Variants in KCNIP1 observed in about 807,000 individuals in gnomAD.
KCNIP1 encodes the protein A-type potassium channel modulatory protein KCNIP1.
A neutral mutation model predicts 33.0 loss-of-function variants in KCNIP1; 18 were observed. The ratio of observed to expected loss-of-function variants is 0.55; its 90% CI spans 0.38 to 0.81. KCNIP1 has a LOEUF of 0.81. Ranked by LOEUF, KCNIP1 falls within the 30% of genes least tolerant of loss-of-function variation. The pLI, the probability that KCNIP1 is intolerant of heterozygous loss-of-function variation, is 0.00. For synonymous variants in KCNIP1, 93 were observed against 98.3 expected (o/e 0.95, Z 0.32); for missense variants, 238 against 271.6 (o/e 0.88, Z 0.87).
At chr5:170,668,638 A>G (rs1175492089) in intron 1 of KCNIP1, among the ~76,000 whole-genome samples, 3 of 152,242 alleles carry the variant, frequency 2.0e-5, no homozygotes, top group Admixed American at 2.0e-4. Context: ...CCCAGAAACC[A>G]GACAAGAGTT....
Position 170,367,431 on chromosome 5 carries a change from AAAGAAAGG to A in KCNIP1, c.88+13470_88+13477del, listed in dbSNP as rs1561587021. 4.1e-5 allele frequency among the ~76,000 whole-genome samples: 6 copies of A among 146,804 alleles called. 1 individual carries two copies. The highest frequency in any genetic ancestry group is 7.7e-5 in the African/African-American group (3 of 39,204). On this transcript the variant is annotated intron_variant, in intron 1 of 7. Coordinates refer to the KCNIP1 transcript ENST00000377360. ...AAAGAAAGAAAGAAAGGAAAGAAAG[AAAGAAAGG>A]AAAGAAAGGAAAGAAAGAAAGAAAG... is the stretch of plus-strand genomic sequence containing the variant.
At chr5:170,374,394 A>G (rs1763931863) in intron 1 of KCNIP1, among the ~76,000 whole-genome samples, 1 of 152,294 alleles carries the variant, frequency 6.6e-6, no homozygotes, top group African/African-American at 2.4e-5. Context: ...GTCCTCTGAG[A>G]TCTTCATAAA....
At chr5:170,432,373 C>A (rs1254195838) in intron 1 of KCNIP1, among the ~76,000 whole-genome samples, 1 of 152,192 alleles carries the variant, frequency 6.6e-6, no homozygotes, top group African/African-American at 2.4e-5. Context: ...GGGAATGGTG[C>A]CTGGCACCTA....
At position 170,492,755 on chromosome 5, in the gene KCNIP1, C is replaced by CTAAT. The variant is rs141326219; in HGVS notation, c.88+138793_88+138794insATTA. On this transcript the variant is annotated intron_variant, in intron 1 of 7. Coordinates refer to the KCNIP1 transcript ENST00000377360. ...TGGGAGACAGAGACCAAATATCTATCTATTTATTTATTTATTTATTTATTT... is the reference window on the plus strand; with the variant it reads ...TGGGAGACAGAGACCAAATATCTATCTAATTATTTATTTATTTATTTATTTATTT... Among the ~76,000 whole-genome samples, 29 of 150,462 alleles carry CTAAT rather than the reference C, an allele frequency of 1.9e-4. No homozygotes were observed. The East Asian group carries it at 5.1e-3, about 26-fold the overall frequency.
intron 1 of KCNIP1, among the ~76,000 whole-genome samples, chr5:170,591,478 A>G (rs554777015): frequency 1.3e-5 from 2 of 152,272 alleles, no homozygotes; most frequent in African/African-American, 4.8e-5. Flanking sequence ...CATCTTAACC[A>G]TTTTGGAGTG....
chr5:170,661,899 T>C (rs2113749615), intron 1 of KCNIP1, among the ~76,000 whole-genome samples: 1 of 152,254 alleles, frequency 6.6e-6, no homozygotes, highest in East Asian at 1.9e-4. Context: ...ACTTCTTGGG[T>C]CCCCTCTCAA....
intron 1 of KCNIP1, among the ~76,000 whole-genome samples, chr5:170,426,930 A>ACCAGCTC (rs1310125473): frequency 6.6e-6 from 1 of 152,172 alleles, no homozygotes; most frequent in African/African-American, 2.4e-5. Context: ...TGGCCACAGG[A>ACCAGCTC]CCAGCTCCAC....
intron 1 of KCNIP1, among the ~76,000 whole-genome samples, chr5:170,365,878 T>C (rs545357770): frequency 1.3e-5 from 2 of 152,228 alleles, no homozygotes; most frequent in African/African-American, 4.8e-5. Context: ...GTGTAGGGCT[T>C]GTGTCAAATT....
rs1020539028 is a variant in KCNIP1 at position 170,732,544 on chromosome 5, G to T, written c.436-256G>T. On this transcript the variant is annotated intron_variant, in intron 5 of 7. Coordinates refer to ENST00000328939, the MANE Select transcript of KCNIP1 (RefSeq NM_014592.4). ...ATCCCACAAATCACCCCCCACTGAA[G>T]ACAATGCCCATAACAAGGTAACCTA... Among the ~76,000 whole-genome samples the T allele has an allele frequency of 3.9e-5, 6 of 152,098 alleles. No homozygotes were observed. In the East Asian group the frequency reaches 1.2e-3, roughly 29 times the overall value.
chr5:170,371,458 G>A (rs960266075), intron 1 of KCNIP1, among the ~76,000 whole-genome samples: 9 of 152,150 alleles, frequency 5.9e-5, no homozygotes, highest in African/African-American at 2.2e-4. Context: ...TTCCACTTTT[G>A]ATATGGGGTA....
intron 1 of KCNIP1, among the ~76,000 whole-genome samples, chr5:170,641,244 TC>T (rs1454489297): frequency 1.3e-5 from 2 of 152,186 alleles, no homozygotes; most frequent in Non-Finnish European, 2.9e-5. Flanking sequence ...AGACCCCACC[TC>T]TGTGCCTCAT....
At chr5:170,358,929 C>T (rs764684294) in intron 1 of KCNIP1, among the ~76,000 whole-genome samples, 6 of 152,250 alleles carry the variant, frequency 3.9e-5, no homozygotes, top group Non-Finnish European at 7.3e-5. Flanking sequence ...GCCTGCACTA[C>T]TCCCCACCTT....
At chr5:170,640,604 T>A (rs1371436390) in intron 1 of KCNIP1, among the ~76,000 whole-genome samples, 1 of 152,102 alleles carries the variant, frequency 6.6e-6, no homozygotes, top group Non-Finnish European at 1.5e-5. Context: ...ACAGCGTCCA[T>A]CCCTCCAAAC....
rs181386992 is a variant in KCNIP1, at chr5:170,444,172, G to T, written c.88+90208G>T. ...CCTTTATTATCTGACATTTCTGGGG[G>T]TCAGAAATCCAAAATGACTCTCCCT... On this transcript the variant is annotated intron_variant, in intron 1 of 7. Transcript: ENST00000377360. Among the ~76,000 whole-genome samples the T allele has an allele frequency of 2.0e-5, 3 of 152,240 alleles. No homozygotes were observed. The East Asian group carries it at 5.8e-4, about 29-fold the overall frequency.
At chr5:170,481,199 C>T (rs1012337249) in intron 1 of KCNIP1, among the ~76,000 whole-genome samples, 1 of 152,194 alleles carries the variant, frequency 6.6e-6, no homozygotes, top group Non-Finnish European at 1.5e-5. Flanking sequence ...CCTTCCAGAA[C>T]CACCCTGTGA....
At chr5:170,505,096 G>A (rs1411998139) in intron 1 of KCNIP1, among the ~76,000 whole-genome samples, 2 of 152,186 alleles carry the variant, frequency 1.3e-5, no homozygotes, top group Non-Finnish European at 2.9e-5. Flanking sequence ...TGCTCTGTCT[G>A]CACCCCCAAA....
chr5:170,712,665 C>T (rs1395934255), intron 1 of KCNIP1, among the ~76,000 whole-genome samples: 3 of 152,256 alleles, frequency 2.0e-5, no homozygotes, highest in African/African-American at 7.2e-5. Context: ...CAACCCACTG[C>T]TCTTGCCTGT....
At chr5:170,372,651 A>T (rs1318067825) in intron 1 of KCNIP1, among the ~76,000 whole-genome samples, 1 of 152,230 alleles carries the variant, frequency 6.6e-6, no homozygotes, top group South Asian at 2.1e-4. Flanking sequence ...GTGAGACAAC[A>T]GAGAGTTCAA....
At chr5:170,600,299 G>A (rs1157621317) in intron 1 of KCNIP1, among the ~76,000 whole-genome samples, 5 of 152,308 alleles carry the variant, frequency 3.3e-5, no homozygotes, top group African/African-American at 4.8e-5. Flanking sequence ...AATGCCACAC[G>A]GAATGACCAG....
Sources: gnomAD v4.1 joint callset for allele counts (sites outside exome capture counted in the v4.1 genomes callset) on GRCh38, gnomAD v4.1.1 for gene constraint, MANE v1.5 for transcripts, NCBI Gene and HGNC (gene_info 2026-07-23, HGNC 2026-07-21) for gene names.